PPP2R5C: variants seen among roughly 807,000 people sequenced by gnomAD.
PPP2R5C encodes the protein serine/threonine-protein phosphatase 2A 56 kDa regulatory subunit gamma isoform.
A neutral mutation model predicts 68.9 loss-of-function variants in PPP2R5C; 7 were observed. The observed-to-expected ratio is 0.10, with a 90% CI of 0.06 to 0.19. The LOEUF is 0.19. PPP2R5C is among the 10% of genes least tolerant of loss of function. The pLI is 1.00. For missense variants in PPP2R5C, 348 were observed against 641.3 expected (o/e 0.54, Z 4.94); for synonymous variants, 210 against 222.2 (o/e 0.95, Z 0.49).
At chr14:101,870,040 C>CTTTTTTTTTTTTT (rs141433870) in intron 2 of PPP2R5C, among the ~76,000 whole-genome samples, 1 of 53,120 alleles carries the variant, frequency 1.9e-5, no homozygotes, top group Admixed American at 2.2e-4. Flanking sequence ...TTCAATTGGG[C>CTTTTTTTTTTTTT]TTTTTTTTTT....
chr14:101,807,945 A>T (rs1185031029), upstream of PPP2R5C, among the ~76,000 whole-genome samples: 2 of 148,652 alleles, frequency 1.3e-5, no homozygotes, highest in East Asian at 3.9e-4. Context: ...TTTTCATCTT[A>T]TCTCGTATGA....
rs78964901 is a variant in PPP2R5C at position 101,892,223 on chromosome 14, C to G, written c.690-777C>G. Among the ~76,000 whole-genome samples, 286 of 152,238 alleles carry G rather than the reference C, an allele frequency of 1.9e-3. 6 individuals carry two copies. The East Asian group carries it at 0.049, about 26-fold the overall frequency. Reference sequence around the variant, plus strand: ...CCACCCACCTCAGCCTCCCAGAATGCTGGGATTACAGGTATGAGCCACCGC... The same window carrying G: ...CCACCCACCTCAGCCTCCCAGAATGGTGGGATTACAGGTATGAGCCACCGC... On this transcript the variant is annotated intron_variant, in intron 6 of 13. Coordinates refer to ENST00000334743, the Ensembl canonical transcript of PPP2R5C.
intron 2 of PPP2R5C, among the ~76,000 whole-genome samples, chr14:101,775,086 T>A (rs960829014): frequency 3.3e-5 from 5 of 152,218 alleles, no homozygotes; most frequent in Non-Finnish European, 7.3e-5. Flanking sequence ...GAGAAGCTGC[T>A]AGTATTGGTC....
chr14:101,866,106 G>A (rs1022860316), intron 2 of PPP2R5C, among the ~76,000 whole-genome samples: 1 of 152,156 alleles, frequency 6.6e-6, no homozygotes, highest in Non-Finnish European at 1.5e-5. Context: ...TGTTGGCCAG[G>A]ATGATCTCAA....
chr14:101,889,881 G>A (rs1279474920), intron 5 of PPP2R5C: 1 of 433,962 alleles, frequency 2.3e-6, no homozygotes, highest in Non-Finnish European at 4.5e-6. Context: ...AAAGATGGAT[G>A]AACAGATGTG....
intron 2 of PPP2R5C, among the ~76,000 whole-genome samples, chr14:101,860,656 G>A (rs915271007): frequency 2.0e-5 from 3 of 152,302 alleles, no homozygotes; most frequent in South Asian, 2.1e-4. Context: ...AGCAGTGTAC[G>A]GGAGTTCCAG....
At chr14:101,795,207 G>A (rs2038550876) in intron 3 of PPP2R5C, among the ~76,000 whole-genome samples, 1 of 152,140 alleles carries the variant, frequency 6.6e-6, no homozygotes, top group South Asian at 2.1e-4. Flanking sequence ...GCTTGATGAA[G>A]GAGGTACTGG....
chr14:101,855,926 T>C (rs140240445), intron 1 of PPP2R5C, among the ~76,000 whole-genome samples: 14 of 152,352 alleles, frequency 9.2e-5, no homozygotes, highest in African/African-American at 3.4e-4. Context: ...GTTTTTAGGA[T>C]GATGTCTGGC....
In PPP2R5C at chr14:101,879,705, T is replaced by A. The variant is rs1285803519; in HGVS notation, c.295-2456T>A. Among the ~76,000 whole-genome samples, 2 of 152,112 alleles carry A rather than the reference T, an allele frequency of 1.3e-5. No homozygotes were observed. The highest frequency in any genetic ancestry group is 4.8e-5 in the African/African-American group (2 of 41,408). Reference sequence around the variant, plus strand: ...TCTCCCTTTCCTGAAGGTGACCCTGTCCTGTGGGTGACTGGACCCTCACCC... The same window carrying A: ...TCTCCCTTTCCTGAAGGTGACCCTGACCTGTGGGTGACTGGACCCTCACCC... On this transcript the variant is annotated intron_variant, in intron 2 of 13. Coordinates refer to ENST00000334743, the Ensembl canonical transcript of PPP2R5C. This position sits in a 1 kb window ranked among gnomAD's most constrained non-coding sequence, Gnocchi z 4.2.
intron 1 of PPP2R5C, among the ~76,000 whole-genome samples, chr14:101,812,579 A>G (rs2039428493): frequency 6.6e-6 from 1 of 152,236 alleles, no homozygotes; most frequent in Non-Finnish European, 1.5e-5. Flanking sequence ...TAAAATAGGA[A>G]TGTTGGCTGC....
chr14:101,764,197 T>C (rs1286875025), intron 2 of PPP2R5C, among the ~76,000 whole-genome samples: 1 of 152,250 alleles, frequency 6.6e-6, no homozygotes, highest in African/African-American at 2.4e-5. Flanking sequence ...AGTCACCACT[T>C]TCCTTTGCCT....
intron 1 of PPP2R5C, among the ~76,000 whole-genome samples, chr14:101,854,586 G>C (rs2042314666): frequency 6.6e-6 from 1 of 152,152 alleles, no homozygotes; most frequent in Admixed American, 6.5e-5. Flanking sequence ...CAAGAGGAGT[G>C]TGGAAATGCT....
At chr14:101,777,183 T>G (rs1042273056) in intron 2 of PPP2R5C, among the ~76,000 whole-genome samples, 4 of 152,160 alleles carry the variant, frequency 2.6e-5, no homozygotes, top group Non-Finnish European at 5.9e-5. Context: ...TGTTTGGATA[T>G]AGCACATTTC....
At chr14:101,922,852 C>T (rs2141210759) in intron 13 of PPP2R5C, among the ~76,000 whole-genome samples, 1 of 152,162 alleles carries the variant, frequency 6.6e-6, no homozygotes, top group East Asian at 1.9e-4. Flanking sequence ...AAATTTGGTC[C>T]CTTAAGAAAT....
rs2141070021 is a variant in PPP2R5C at position 101,906,841 on chromosome 14, G to A, written c.1151+312G>A. ...GAAGGTCTCTGCAGAGCCCAGTGGGGCTCAGCCCCGGCGGGGGCACAGTGG... is the reference window on the plus strand; with the variant it reads ...GAAGGTCTCTGCAGAGCCCAGTGGGACTCAGCCCCGGCGGGGGCACAGTGG... On this transcript the variant is annotated intron_variant, in intron 10 of 13. Transcript: ENST00000334743. The surrounding 1 kb of genome is among the most constrained non-coding windows in gnomAD (Gnocchi z 4.0). Among the ~76,000 whole-genome samples, 1 of 152,226 alleles carries A rather than the reference G, an allele frequency of 6.6e-6. No individual in the cohort carries two copies. The highest frequency in any genetic ancestry group is 2.4e-5 in the African/African-American group (1 of 41,546).
rs779413889 is a variant in PPP2R5C, at chr14:101,917,816, C to T, written c.1327-15C>T. 20 of 1,612,908 alleles carry T rather than the reference C, an allele frequency of 1.2e-5. No homozygotes were observed. Among genetic ancestry groups the T allele is most frequent in the Non-Finnish European group, 1.6e-5 (19 of 1,179,328 alleles). The stretch of plus-strand genomic sequence containing the variant: ...CTGGGCACCTAACAGAGCGACTCCA[C>T]GCTTTGCATTGCAGTACACAGTGTA... On this transcript the variant is annotated splice_polypyrimidine_tract_variant and intron_variant, in intron 12 of 13. Transcript: ENST00000334743. This position sits in a 1 kb window ranked among gnomAD's most constrained non-coding sequence, Gnocchi z 4.4.
intron 3 of PPP2R5C, among the ~76,000 whole-genome samples, chr14:101,804,747 G>T (rs1284999388): frequency 6.6e-6 from 1 of 151,992 alleles, no homozygotes; most frequent in Admixed American, 6.6e-5. Flanking sequence ...TTGGCGGGGG[G>T]GATGGTCAAT....
intron 2 of PPP2R5C, among the ~76,000 whole-genome samples, chr14:101,779,082 G>A (rs1005978483): frequency 6.6e-6 from 1 of 152,064 alleles, no homozygotes; most frequent in South Asian, 2.1e-4. Context: ...TAAAAATAAA[G>A]TATCTGAAAA....
At chr14:101,887,437 G>A (rs1046026259) in intron 5 of PPP2R5C, among the ~76,000 whole-genome samples, 6 of 152,204 alleles carry the variant, frequency 3.9e-5, no homozygotes, top group East Asian at 3.8e-4. Flanking sequence ...AGGAGCCACC[G>A]CCAGCTCAGT....
Sources: gnomAD v4.1 joint callset for allele counts (sites outside exome capture counted in the v4.1 genomes callset) on GRCh38, gnomAD v4.1.1 for gene constraint, Gnocchi (gnomAD v3.1) non-coding constraint, MANE v1.5 for transcripts, NCBI Gene and HGNC (gene_info 2026-07-23, HGNC 2026-07-21) for gene names.